Variants in SH3PXD2A observed in about 807,000 individuals in gnomAD.
SH3PXD2A encodes the protein SH3 and PX domains 2A, also known as SH3 and PX domain-containing protein 2A.
A neutral mutation model predicts 115.2 loss-of-function variants in SH3PXD2A; 32 were observed. The ratio of observed to expected loss-of-function variants is 0.28; its 90% CI spans 0.21 to 0.37. The LOEUF (loss-of-function observed/expected upper bound fraction) is 0.37. SH3PXD2A is among the 10% of genes least tolerant of loss of function. The pLI is 1.00. For missense variants in SH3PXD2A, 1,328 were observed against 1,498.7 expected (o/e 0.89, Z 1.88); for synonymous variants, 610 against 629.1 (o/e 0.97, Z 0.45).
At position 103,742,909 on chromosome 10, in the gene SH3PXD2A, G is replaced by C. The variant is rs74943903; in HGVS notation, c.230-7101C>G. Among the ~76,000 whole-genome samples, 948 of 151,822 alleles carry C rather than the reference G, an allele frequency of 6.2e-3. 8 individuals are homozygous for C. Among genetic ancestry groups the C allele is most frequent in the African/African-American group, 0.022 (908 of 41,222 alleles). ...ACGAACAGATTTCCCAGATGAACTG[G>C]AGGAAAGAAGATGTGAGGATTCCTA... On this transcript the variant is annotated intron_variant, in intron 3 of 14. Transcript: ENST00000369774.
chr10:103,733,766 ATTTTAT>A (rs1246589833), intron 4 of SH3PXD2A, among the ~76,000 whole-genome samples: 1 of 151,972 alleles, frequency 6.6e-6, no homozygotes, highest in Non-Finnish European at 1.5e-5. Flanking sequence ...TTTTTTATTT[ATTTTAT>A]TTTATTTTAT....
chr10:103,601,896 A>G lies in SH3PXD2A; in HGVS notation c.3322T>C (p.Trp1108Arg). The change falls in exon 15 of 15, where the codon TGG (tryptophan) becomes CGG (arginine). Residue 1108 changes from tryptophan (W) to arginine (R), a missense_variant. Around this residue, in one of 5 missense-constraint regions of SH3PXD2A, gnomAD observed 45 missense variants for 73.6 expected, o/e 0.61. Transcript: ENST00000369774. ...MEVLERNPNGWWYCQILDGVK... is the reference protein window; with the variant it reads ...MEVLERNPNGRWYCQILDGVK... ...CCATCCAGGATCTGGCAGTACCACCAGCCATTAGGGTTCCTCTCCAGAACC... is the reference window on the plus strand; with the variant it reads ...CCATCCAGGATCTGGCAGTACCACCGGCCATTAGGGTTCCTCTCCAGAACC... 1 of 1,613,562 alleles carries G rather than the reference A, an allele frequency of 6.2e-7. No individual in the cohort carries two copies. Among genetic ancestry groups the G allele is most frequent in the Non-Finnish European group, 8.5e-7 (1 of 1,179,624 alleles).
intron 1 of SH3PXD2A, among the ~76,000 whole-genome samples, chr10:103,823,854 G>A (rs186224983): frequency 6.6e-6 from 1 of 152,170 alleles, no homozygotes; most frequent in Admixed American, 6.5e-5. Flanking sequence ...AAGGGCAGCG[G>A]GCAGGGGACA....
intron 1 of SH3PXD2A, among the ~76,000 whole-genome samples, chr10:103,807,739 CGAT>C (rs1235170523): frequency 6.6e-6 from 1 of 152,196 alleles, no homozygotes; most frequent in African/African-American, 2.4e-5. Context: ...TGAGGTCATA[CGAT>C]CTCTTCAAGA....
intron 5 of SH3PXD2A, among the ~76,000 whole-genome samples, chr10:103,721,991 G>A (rs1487922548): frequency 6.6e-6 from 1 of 151,964 alleles, no homozygotes; most frequent in Non-Finnish European, 1.5e-5. Context: ...TTTGTAATCT[G>A]TAATGTGGGG....
chr10:103,845,774 A>G (rs1842841808), intron 1 of SH3PXD2A, among the ~76,000 whole-genome samples: 1 of 152,174 alleles, frequency 6.6e-6, no homozygotes. Context: ...TAACAGCTCT[A>G]TGATGATGAT....
chr10:103,661,840 G>C, intron 7 of SH3PXD2A: 1 of 985,186 alleles, frequency 1.0e-6, no homozygotes, highest in African/African-American at 1.7e-5. Context: ...AGGGGGAGGA[G>C]GCCTAGACTG....
At chr10:103,691,102 C>T (rs1179498074) in intron 6 of SH3PXD2A, among the ~76,000 whole-genome samples, 1 of 151,606 alleles carries the variant, frequency 6.6e-6, no homozygotes, top group Non-Finnish European at 1.5e-5. Context: ...GTTATTTGTT[C>T]CAGCTCTTGC....
At chr10:103,739,721 A>G (rs1183270232) in intron 3 of SH3PXD2A, among the ~76,000 whole-genome samples, 1 of 152,198 alleles carries the variant, frequency 6.6e-6, no homozygotes, top group Non-Finnish European at 1.5e-5. Context: ...GAATCTGATG[A>G]GCATCGCAAG....
At chr10:103,638,570 C>T (rs1333008187) in intron 8 of SH3PXD2A, among the ~76,000 whole-genome samples, 1 of 152,236 alleles carries the variant, frequency 6.6e-6, no homozygotes, top group East Asian at 1.9e-4. Context: ...GCCAGGCTGC[C>T]TGGGATTGAG....
At chr10:103,618,810 C>T (rs11191748) in intron 10 of SH3PXD2A, among the ~76,000 whole-genome samples, 15,040 of 152,162 alleles carry the variant, frequency 0.099, 830 homozygotes, top group East Asian at 0.21. Flanking sequence ...TGGATGCTGG[C>T]GGGCAGCCTG....
At chr10:103,706,011 A>G (rs1021022312) in intron 5 of SH3PXD2A, among the ~76,000 whole-genome samples, 3 of 152,004 alleles carry the variant, frequency 2.0e-5, no homozygotes, top group Non-Finnish European at 4.4e-5. Flanking sequence ...AAAGAAAAAA[A>G]AAAAAAAAGA....
chr10:103,707,668 A>T (rs774644139), intron 5 of SH3PXD2A, among the ~76,000 whole-genome samples: 1 of 151,888 alleles, frequency 6.6e-6, no homozygotes, highest in Admixed American at 6.6e-5. Context: ...CTTCATGTAC[A>T]TTATTTCAGT....
intron 8 of SH3PXD2A, among the ~76,000 whole-genome samples, chr10:103,630,337 G>A (rs1278077128): frequency 6.6e-6 from 1 of 152,224 alleles, no homozygotes; most frequent in Non-Finnish European, 1.5e-5. Flanking sequence ...ACAGATGCTG[G>A]CTGGAGGTCA....
rs1048712396 is a variant in SH3PXD2A at position 103,603,677 on chromosome 10, G to T, written c.1541C>A (p.Thr514Lys). 6.2e-7 allele frequency: 1 copy of T among 1,607,950 alleles called. No homozygotes were observed. Among genetic ancestry groups the T allele is most frequent in the East Asian group, 2.2e-5 (1 of 44,860 alleles). Reference sequence around the variant, plus strand: ...CACCTTGGGCCGGGTCAGCGTGCTTGTGCGGCGGCTCAGGTTGGGCTTCTT... The same window carrying T: ...CACCTTGGGCCGGGTCAGCGTGCTTTTGCGGCGGCTCAGGTTGGGCTTCTT... ...KRKKPNLSRR[T>K]STLTRPKVPP... The change falls in exon 15 of 15, where the codon ACA becomes AAA. Residue 514 changes from threonine (T) to lysine (K), a missense_variant. Transcript: ENST00000369774.
rs1421427358 is a variant in SH3PXD2A at position 103,600,080 on chromosome 10, G to A, written c.*1736C>T. 6.6e-6 allele frequency: 1 copy of A among 152,650 alleles called. No individual in the cohort carries two copies. Among genetic ancestry groups the A allele is most frequent in the South Asian group, 2.1e-4 (1 of 4,830 alleles). 9.5% of individuals were successfully genotyped at this position (152,650 alleles called of 1,614,324 possible). The stretch of plus-strand genomic sequence containing the variant: ...GCCCTGCCTGGGTGGGGAGCAGGGT[G>A]AGGGAGGGCCTTTCCTCCTCTATAG... On this transcript the variant is annotated 3_prime_UTR_variant, in exon 15 of 15. Coordinates refer to ENST00000369774, the MANE Select transcript of SH3PXD2A (RefSeq NM_001394015.1).
rs187709245 is a variant in SH3PXD2A, at chr10:103,845,778, T to C, written c.72+9417A>G. Among the ~76,000 whole-genome samples, 11 of 152,294 alleles carry C rather than the reference T, an allele frequency of 7.2e-5. No individual in the cohort carries two copies. In the East Asian group the frequency reaches 2.1e-3, roughly 29 times the overall value. On this transcript the variant is annotated intron_variant, in intron 1 of 14. Transcript: ENST00000369774. Reference sequence around the variant, plus strand: ...CCCCTTTCCTGTAACAGCTCTATGATGATGATGGTGATACAATACGTGCCA... The same window carrying C: ...CCCCTTTCCTGTAACAGCTCTATGACGATGATGGTGATACAATACGTGCCA...
chr10:103,766,633 C>T (rs992884346), intron 3 of SH3PXD2A, among the ~76,000 whole-genome samples: 2 of 152,122 alleles, frequency 1.3e-5, no homozygotes, highest in Non-Finnish European at 2.9e-5. Flanking sequence ...TAATTGATTG[C>T]CTTAAACACA....
At chr10:103,699,456 T>C (rs1419849582) in intron 5 of SH3PXD2A, among the ~76,000 whole-genome samples, 2 of 152,196 alleles carry the variant, frequency 1.3e-5, no homozygotes, top group Non-Finnish European at 2.9e-5. Context: ...AGGAGGCTAC[T>C]CTGAGTGTCC....
Sources: allele counts gnomAD v4.1 joint callset (sites outside exome capture counted in the v4.1 genomes callset), GRCh38; gene constraint gnomAD v4.1.1; regional missense constraint gnomAD v4.1.1; transcripts MANE v1.5; gene names NCBI Gene and HGNC (gene_info 2026-07-23, HGNC 2026-07-21).